Variants in CSGALNACT1 observed in about 807,000 individuals in gnomAD.
The protein encoded by CSGALNACT1 is beta4GalNAcT-1.
CSGALNACT1 carries 52 observed loss-of-function variants against 51.0 expected under a neutral mutation model. The observed-to-expected ratio is 1.02, with a 90% CI of 0.82 to 1.29. The LOEUF (loss-of-function observed/expected upper bound fraction) is 1.29, where lower values mean the gene tolerates loss of function less well. Among genes scored for constraint, CSGALNACT1 ranks in the 50% most tolerant of loss-of-function variants. CSGALNACT1 has a pLI of 0.00. For missense variants in CSGALNACT1, 935 were observed against 679.2 expected (o/e 1.38, Z -4.19); for synonymous variants, 341 against 254.4 (o/e 1.34, Z -3.24).
At chr8:19,483,551 T>C (rs975755318) in intron 4 of CSGALNACT1, among the ~76,000 whole-genome samples, 12 of 152,208 alleles carry the variant, frequency 7.9e-5, no homozygotes, top group African/African-American at 2.7e-4. Context: ...TGTTCCCTTC[T>C]ATCTCTCTAG....
chr8:19,709,042 T>C (rs1589631090), intron 1 of CSGALNACT1, among the ~76,000 whole-genome samples: 1 of 152,214 alleles, frequency 6.6e-6, no homozygotes, highest in Non-Finnish European at 1.5e-5. Flanking sequence ...ACTATTATCA[T>C]ATTTATGTCT....
rs547749457 is a variant in CSGALNACT1 at position 19,511,817 on chromosome 8, G to C, written c.-296-5687C>G. On this transcript the variant is annotated intron_variant, in intron 3 of 9. Coordinates refer to ENST00000454498, the Ensembl canonical transcript of CSGALNACT1. ...CACAGCTGTACAGGAGGCATGGCTG[G>C]GGAGGCCTCAGGAAACTTACAATCA... Among the ~76,000 whole-genome samples the C allele has an allele frequency of 5.3e-5, 8 of 152,276 alleles. No individual in the cohort carries two copies. In the South Asian group the frequency reaches 1.5e-3, roughly 28 times the overall value.
chr8:19,513,631 A>T (rs961811698), intron 3 of CSGALNACT1, among the ~76,000 whole-genome samples: 1 of 151,976 alleles, frequency 6.6e-6, no homozygotes, highest in African/African-American at 2.4e-5. Flanking sequence ...ATGCATCATC[A>T]GGCAATTTTG....
At chr8:19,442,174 A>G (rs1390112280) in intron 5 of CSGALNACT1, among the ~76,000 whole-genome samples, 9 of 152,148 alleles carry the variant, frequency 5.9e-5, no homozygotes, top group Non-Finnish European at 1.3e-4. Context: ...TTCCTCAGGG[A>G]TCTAGAACTA....
chr8:19,439,773 G>A (rs914653153), intron 6 of CSGALNACT1, 57 bp downstream of exon 5: 2 of 1,293,740 alleles, frequency 1.5e-6, no homozygotes, highest in African/African-American at 2.9e-5. Context: ...AGCCTTGGAT[G>A]TGTGCTTCTG....
chr8:19,740,703 G>A (rs534338503), intron 1 of CSGALNACT1, among the ~76,000 whole-genome samples: 10 of 152,100 alleles, frequency 6.6e-5, no homozygotes, highest in South Asian at 4.1e-4. Flanking sequence ...CACATTTCTG[G>A]TAAAGCTTGA....
intron 6 of CSGALNACT1, among the ~76,000 whole-genome samples, chr8:19,425,004 T>G (rs1475052338): frequency 6.6e-6 from 1 of 152,090 alleles, no homozygotes; most frequent in Non-Finnish European, 1.5e-5. Flanking sequence ...GACCCCAAAC[T>G]CACCATGCCA....
In CSGALNACT1 at chr8:19,406,072, G is replaced by T; in HGVS notation, c.1310-3C>A. On this transcript the variant is annotated splice_polypyrimidine_tract_variant and splice_region_variant and intron_variant, in intron 9 of 9. Transcript: ENST00000454498. ...TTTGATGTCCAGATCAAACCCACCT[G>T]TCGGGACAGAACACACTGTTGAATC... The T allele has an allele frequency of 1.2e-6, 2 of 1,614,118 alleles. No homozygotes were observed. The highest frequency in any genetic ancestry group is 1.1e-5 in the South Asian group (1 of 91,076).
intron 3 of CSGALNACT1, among the ~76,000 whole-genome samples, chr8:19,529,888 T>C (rs189424418): frequency 1.3e-5 from 2 of 152,336 alleles, no homozygotes; most frequent in East Asian, 1.9e-4. Flanking sequence ...GTACTATTAT[T>C]TGTATAATTT....
chr8:19,738,512 G>A (rs1186894427), intron 1 of CSGALNACT1, among the ~76,000 whole-genome samples: 1 of 152,128 alleles, frequency 6.6e-6, no homozygotes, highest in African/African-American at 2.4e-5. Context: ...ATAGGTATGA[G>A]TTTCAGTTTG....
chr8:19,456,110 T>G (rs1033077401), intron 5 of CSGALNACT1, among the ~76,000 whole-genome samples: 1 of 152,238 alleles, frequency 6.6e-6, no homozygotes, highest in Non-Finnish European at 1.5e-5. Context: ...TTTTGAGGCT[T>G]GTAAGCTACT....
At chr8:19,579,624 T>G (rs2045117106) in intron 3 of CSGALNACT1, among the ~76,000 whole-genome samples, 1 of 152,222 alleles carries the variant, frequency 6.6e-6, no homozygotes, top group Admixed American at 6.5e-5. Flanking sequence ...AGGGCAGGGA[T>G]TATGCCTATT....
chr8:19,409,396 G>A (rs1194866119), intron 8 of CSGALNACT1, among the ~76,000 whole-genome samples: 1 of 152,086 alleles, frequency 6.6e-6, no homozygotes, highest in Non-Finnish European at 1.5e-5. Context: ...CTGCGGAGAG[G>A]CCATCCAGAC....
chr8:19,698,770 C>CA (rs34418188), intron 1 of CSGALNACT1, among the ~76,000 whole-genome samples: 33 of 151,326 alleles, frequency 2.2e-4, no homozygotes, highest in Admixed American at 7.2e-4. Flanking sequence ...GGATAACCCA[C>CA]AAAAAAAAAT....
intron 5 of CSGALNACT1, among the ~76,000 whole-genome samples, chr8:19,441,721 G>T (rs938818812): frequency 5.3e-5 from 8 of 151,936 alleles, no homozygotes; most frequent in Non-Finnish European, 1.5e-5. Flanking sequence ...TGACAAATGG[G>T]ATCTAATTAA....
intron 1 of CSGALNACT1, among the ~76,000 whole-genome samples, chr8:19,670,501 G>A (rs913025945): frequency 3.8e-4 from 57 of 151,374 alleles, no homozygotes; most frequent in African/African-American, 1.3e-3. Flanking sequence ...CTTCTAAGGT[G>A]CTGGAATCAC....
At chr8:19,439,862 A>T in exon 6 of CSGALNACT1, 1 of 1,614,108 alleles carries the variant, frequency 6.2e-7, no homozygotes, top group Admixed American at 1.7e-5. Flanking sequence ...CTTTGACTTC[A>T]TTTATTTCTT....
intron 3 of CSGALNACT1, among the ~76,000 whole-genome samples, chr8:19,528,547 G>C (rs2082156694): frequency 6.6e-6 from 1 of 151,896 alleles, no homozygotes; most frequent in South Asian, 2.1e-4. Flanking sequence ...CCTCATTCTA[G>C]ACCCCCATAG....
intron 4 of CSGALNACT1, among the ~76,000 whole-genome samples, chr8:19,470,437 C>T (rs2067865131): frequency 6.6e-6 from 1 of 152,128 alleles, no homozygotes; most frequent in African/African-American, 2.4e-5. Context: ...TTTGCACTGA[C>T]ATCAGCACGC....
Sources: allele counts gnomAD v4.1 joint callset (sites outside exome capture counted in the v4.1 genomes callset), GRCh38; gene constraint gnomAD v4.1.1; transcripts MANE v1.5; gene names NCBI Gene and HGNC (gene_info 2026-07-23, HGNC 2026-07-21).